The following PDE4D variants were observed in gnomAD, a reference collection of about 807,000 sequenced individuals.
The protein encoded by PDE4D is phosphodiesterase 4D.
A neutral mutation model predicts 87.4 loss-of-function variants in PDE4D; 24 were observed. That is an observed-to-expected ratio of 0.27 (90% CI 0.20 to 0.39). The LOEUF (loss-of-function observed/expected upper bound fraction) is 0.39, where lower values mean the gene tolerates loss of function less well. Ranked by LOEUF, PDE4D falls within the 10% of genes least tolerant of loss-of-function variation. The pLI, the probability that PDE4D is intolerant of heterozygous loss-of-function variation, is 1.00. For missense variants in PDE4D, 714 were observed against 1,041.0 expected (o/e 0.69, Z 4.32); for synonymous variants, 384 against 383.2 (o/e 1.00, Z -0.02).
In PDE4D at chr5:59,455,162, G is replaced by C. The variant is rs190879930; in HGVS notation, c.456-239194C>G. On this transcript the variant is annotated intron_variant, in intron 1 of 14. Coordinates refer to ENST00000340635, the MANE Select transcript of PDE4D (RefSeq NM_001104631.2). Reference sequence around the variant, plus strand: ...ACGGGGAACCAATTGTTAACCCCAAGACAACGAGGAAAATGTCTCCAGAGC... The same window carrying C: ...ACGGGGAACCAATTGTTAACCCCAACACAACGAGGAAAATGTCTCCAGAGC... 3.4e-3 allele frequency among the ~76,000 whole-genome samples: 513 copies of C among 152,348 alleles called. 3 individuals are homozygous for C. The highest frequency in any genetic ancestry group is 7.5e-3 in the South Asian group (36 of 4,820).
chr5:59,212,798 A>G (rs953164057), intron 2 of PDE4D, among the ~76,000 whole-genome samples: 2 of 152,028 alleles, frequency 1.3e-5, no homozygotes, highest in African/African-American at 4.8e-5. Context: ...ATGAAGTTGC[A>G]TTAGATGACT....
At chr5:59,811,452 T>C (rs1038778099) in intron 1 of PDE4D, among the ~76,000 whole-genome samples, 1 of 152,228 alleles carries the variant, frequency 6.6e-6, no homozygotes, top group Non-Finnish European at 1.5e-5. Flanking sequence ...TCTCAAAGAA[T>C]GCTCTCCCAT....
intron 1 of PDE4D, among the ~76,000 whole-genome samples, chr5:59,732,933 G>A (rs7711313): frequency 0.47 from 71,337 of 151,802 alleles, 19,376 homozygotes; most frequent in African/African-American, 0.75. Context: ...AGTTAAGTAA[G>A]TCAATTCCAT....
chr5:60,269,301 T>C (rs1282106352), intron 1 of PDE4D, among the ~76,000 whole-genome samples: 1 of 152,220 alleles, frequency 6.6e-6, no homozygotes, highest in Non-Finnish European at 1.5e-5. Context: ...AGCAAGACTC[T>C]GTCTCAAAAA....
intron 2 of PDE4D, among the ~76,000 whole-genome samples, chr5:60,116,410 C>A (rs567983319): frequency 6.6e-6 from 1 of 152,044 alleles, no homozygotes; most frequent in South Asian, 2.1e-4. Context: ...CTACTGACAC[C>A]CCCCATTGCC....
At chr5:59,198,394 G>C (rs547803637) in intron 2 of PDE4D, among the ~76,000 whole-genome samples, 5 of 152,008 alleles carry the variant, frequency 3.3e-5, no homozygotes, top group African/African-American at 1.2e-4. Flanking sequence ...TTGGTACCAA[G>C]GTAACAGTCA....
intron 1 of PDE4D, among the ~76,000 whole-genome samples, chr5:59,675,034 A>G (rs897774690): frequency 3.3e-5 from 5 of 152,232 alleles, no homozygotes; most frequent in Non-Finnish European, 7.3e-5. Flanking sequence ...ACCTGTAACT[A>G]GATTTTCACT....
chr5:59,039,489 C>T (rs577078520), intron 5 of PDE4D: 1 of 985,602 alleles, frequency 1.0e-6, no homozygotes, highest in South Asian at 4.7e-5. Context: ...ATGAATCAGC[C>T]GCGGCCGGGT....
rs148255590 is a variant in PDE4D, at chr5:59,079,666, T to TTAATAATAA, written c.809-40704_809-40696dup. On this transcript the variant is annotated intron_variant, in intron 5 of 14. Coordinates refer to ENST00000340635, the MANE Select transcript of PDE4D (RefSeq NM_001104631.2). Reference sequence around the variant, plus strand: ...CATAGCAGGACCCATCTCTACAAAATTAATAATAATAATAATAATAATAAT... The same window carrying TTAATAATAA: ...CATAGCAGGACCCATCTCTACAAAATTAATAATAATAATAATAATAATAATAATAATAAT... 8.8e-3 allele frequency among the ~76,000 whole-genome samples: 1,288 copies of TTAATAATAA among 146,192 alleles called. 14 individuals carry two copies. Among genetic ancestry groups the TTAATAATAA allele is most frequent in the East Asian group, 0.027 (135 of 5,076 alleles).
At chr5:60,110,403 A>T (rs1777551325) in intron 2 of PDE4D, among the ~76,000 whole-genome samples, 1 of 152,142 alleles carries the variant, frequency 6.6e-6, no homozygotes, top group South Asian at 2.1e-4. Context: ...AATGGCCAAC[A>T]GGTATATGAG....
chr5:59,544,888 A>C (rs291118), intron 1 of PDE4D, among the ~76,000 whole-genome samples: 4,673 of 152,282 alleles, frequency 0.031, 87 homozygotes, highest in East Asian at 0.1. Flanking sequence ...TATTTCTTTC[A>C]ACACACCCTT....
At chr5:60,316,420 G>T (rs184719309) in intron 1 of PDE4D, among the ~76,000 whole-genome samples, 6 of 152,230 alleles carry the variant, frequency 3.9e-5, no homozygotes, top group African/African-American at 1.2e-4. Context: ...ATACAATCAT[G>T]TCATCTGGAA....
At chr5:60,378,806 G>C (rs1761630297) in intron 1 of PDE4D, among the ~76,000 whole-genome samples, 1 of 151,884 alleles carries the variant, frequency 6.6e-6, no homozygotes, top group Non-Finnish European at 1.5e-5. Flanking sequence ...TGAGCCTAGA[G>C]AGCACCACTG....
At chr5:59,967,423 A>C (rs1760165118) in intron 3 of PDE4D, among the ~76,000 whole-genome samples, 1 of 152,154 alleles carries the variant, frequency 6.6e-6, no homozygotes, top group African/African-American at 2.4e-5. Context: ...ATAAGCAAAA[A>C]ACACATAACC....
chr5:59,885,667 A>G (rs1030351827), intron 1 of PDE4D, among the ~76,000 whole-genome samples: 1 of 152,154 alleles, frequency 6.6e-6, no homozygotes, highest in African/African-American at 2.4e-5. Context: ...CTGTAGAGGC[A>G]CTTCTCTAAA....
At chr5:59,362,839 C>T (rs960139241) in intron 1 of PDE4D, among the ~76,000 whole-genome samples, 12 of 152,200 alleles carry the variant, frequency 7.9e-5, no homozygotes, top group Admixed American at 6.5e-5. Context: ...AAAAGACCCC[C>T]AATACCAAGA....
chr5:59,822,379 T>C (rs895874830), intron 1 of PDE4D, among the ~76,000 whole-genome samples: 3 of 152,292 alleles, frequency 2.0e-5, no homozygotes, highest in Non-Finnish European at 2.9e-5. Context: ...TGAAGGTAGA[T>C]AGATTAATCT....
chr5:59,956,419 A>G (rs565378634), intron 3 of PDE4D, among the ~76,000 whole-genome samples: 93 of 152,250 alleles, frequency 6.1e-4, no homozygotes, highest in African/African-American at 2.2e-3. Flanking sequence ...CTCATTTTAG[A>G]TTCATGTCTT....
intron 5 of PDE4D, among the ~76,000 whole-genome samples, chr5:59,121,438 T>G (rs1002994610): frequency 1.3e-5 from 2 of 151,770 alleles, no homozygotes; most frequent in Admixed American, 6.6e-5. Context: ...ATGTCCAATA[T>G]GAAAAAATGC....
Sources: gnomAD v4.1 joint callset for allele counts (sites outside exome capture counted in the v4.1 genomes callset) on GRCh38, gnomAD v4.1.1 for gene constraint, MANE v1.5 for transcripts, NCBI Gene and HGNC (gene_info 2026-07-23, HGNC 2026-07-21) for gene names.